The following CROCC variants were observed in gnomAD, a reference collection of about 807,000 sequenced individuals.
CROCC encodes rootletin.
A neutral mutation model predicts 245.2 loss-of-function variants in CROCC; 180 were observed. The ratio of observed to expected loss-of-function variants is 0.73; its 90% CI spans 0.65 to 0.83. CROCC has a LOEUF of 0.83. Ranked by LOEUF, CROCC falls within the 40% of genes least tolerant of loss-of-function variation. The probability of loss-of-function intolerance (pLI) is 0.00; values close to 1 mark genes in which losing one functional copy is unlikely to be tolerated. For missense variants in CROCC, 2,688 were observed against 2,779.4 expected (o/e 0.97, Z 0.74); for synonymous variants, 1,205 against 1,241.6 (o/e 0.97, Z 0.62).
chr1:16,933,379 C>G (rs2075721016), intron 8 of CROCC, among the ~76,000 whole-genome samples: 1 of 152,254 alleles, frequency 6.6e-6, no homozygotes, highest in Non-Finnish European at 1.5e-5. Flanking sequence ...AGGCCCCAGA[C>G]TCGCCTGAAC....
chr1:16,947,133 G>C (rs540868160), intron 17 of CROCC, 142 bp downstream of exon 17: 2 of 833,658 alleles, frequency 2.4e-6, no homozygotes, highest in Admixed American at 2.8e-5. Context: ...CTGCTAGCTG[G>C]GGACCTTGGA....
intron 3 of CROCC, among the ~76,000 whole-genome samples, chr1:16,929,228 C>T (rs1447903522): frequency 2.6e-5 from 4 of 152,266 alleles, no homozygotes; most frequent in Admixed American, 6.5e-5. Context: ...TCGTGTCCTC[C>T]GGGAATGTTT....
chr1:16,919,886 CATTTT>C (rs1168336501), upstream of CROCC, among the ~76,000 whole-genome samples: 1 of 152,222 alleles, frequency 6.6e-6, no homozygotes, highest in African/African-American at 2.4e-5. Flanking sequence ...GGTCTAGTCT[CATTTT>C]ATTTTATTTT....
chr1:16,967,368 C>T (rs2076435938), intron 30 of CROCC, among the ~76,000 whole-genome samples: 1 of 152,196 alleles, frequency 6.6e-6, no homozygotes, highest in Non-Finnish European at 1.5e-5. Context: ...CAGCCTGTCC[C>T]TCTATTACTG....
chr1:16,920,867 C>T (rs1570574051), upstream of CROCC, among the ~76,000 whole-genome samples: 1 of 152,196 alleles, frequency 6.6e-6, no homozygotes, highest in Middle Eastern at 3.4e-3. Flanking sequence ...CCTCAGCCTC[C>T]CAAGTAGCTG....
At chr1:16,953,112 T>C in intron 20 of CROCC, 190 bp from the exon 21 acceptor site, 1 of 598,502 alleles carries the variant, frequency 1.7e-6, no homozygotes, top group South Asian at 2.1e-5. Flanking sequence ...GCCAGCCCAC[T>C]GCTGCTCCTT....
chr1:16,938,540 C>G, intron 11 of CROCC, 57 bp downstream of exon 11: 2 of 1,475,026 alleles, frequency 1.4e-6, no homozygotes, highest in Non-Finnish European at 1.8e-6. Context: ...CAGGCTCCCC[C>G]GCCACGTCTT....
intron 8 of CROCC, among the ~76,000 whole-genome samples, chr1:16,935,545 C>T (rs1428950724): frequency 3.9e-5 from 6 of 152,274 alleles, no homozygotes; most frequent in South Asian, 2.1e-4. Context: ...CTCAGCCTCC[C>T]GAGTAGCTGG....
chr1:16,922,641 G>A (rs370081787), intron 1 of CROCC, 22 bp from the exon 2 acceptor site: 1 of 1,586,980 alleles, frequency 6.3e-7, no homozygotes, highest in Non-Finnish European at 8.6e-7. Context: ...GTCCCCTGAA[G>A]ACCCTCTCGC....
At chr1:16,916,431 C>G (rs530153965) in intron 1 of CROCC, among the ~76,000 whole-genome samples, 2,789 of 152,094 alleles carry the variant, frequency 0.018, 51 homozygotes, top group African/African-American at 0.065. Flanking sequence ...CAGGCAGTGG[C>G]TTATATAATA....
At chr1:16,938,552 C>G (rs1156229352) in intron 11 of CROCC, 69 bp downstream of exon 11, 5 of 1,415,636 alleles carry the variant, frequency 3.5e-6, no homozygotes, top group Non-Finnish European at 4.9e-6. Flanking sequence ...CCACGTCTTT[C>G]GGTGACCTGG....
Position 16,950,698 on chromosome 1 carries a change from C to G in CROCC, c.2837-255C>G, listed in dbSNP as rs1184603571. Among the ~76,000 whole-genome samples the G allele has an allele frequency of 2.6e-5, 4 of 152,216 alleles. No homozygotes were observed. The East Asian group carries it at 5.8e-4, about 22-fold the overall frequency. On this transcript the variant is annotated intron_variant, in intron 19 of 36. Transcript: ENST00000375541. ...TTTGACATCCGTCCCATTTGGGAGG[C>G]CTTCTCATCAGTCATTTTATGCCTT...
chr1:16,943,958 A>C (rs1445958333), intron 13 of CROCC, 142 bp from the exon 14 acceptor site: 4 of 800,114 alleles, frequency 5.0e-6, no homozygotes, highest in Non-Finnish European at 7.8e-6. Flanking sequence ...AGCCATGGAC[A>C]GGGTGGTCAG....
chr1:16,952,821 C>A (rs140067167), intron 20 of CROCC, among the ~76,000 whole-genome samples: 8,472 of 152,288 alleles, frequency 0.056, 310 homozygotes, highest in African/African-American at 0.088. Context: ...GTCGGAACAT[C>A]CCCTAAGCTA....
At position 16,938,964 on chromosome 1, in the gene CROCC, C is replaced by CG; in HGVS notation, c.1432dup (p.Asp478GlyfsTer66). The CG allele has an allele frequency of 6.2e-7, 1 of 1,605,182 alleles. No individual in the cohort carries two copies. Among genetic ancestry groups the CG allele is most frequent in the Non-Finnish European group, 8.5e-7 (1 of 1,177,488 alleles). On this transcript the variant is annotated frameshift_variant, in exon 12 of 37. Transcript: ENST00000375541. LOFTEE classifies it high-confidence loss of function. ...CAGCTGAGCGGCTCTGAGCGCACCG[C>CG]GGATGCTTCCAACGGCAGCCTGCGG...
chr1:16,972,643 C>A lies in CROCC; in HGVS notation c.*197C>A. 1 of 515,870 alleles carries A rather than the reference C, an allele frequency of 1.9e-6. No homozygotes were observed. The highest frequency in any genetic ancestry group is 3.4e-6 in the Non-Finnish European group (1 of 291,880). The allele number at this position is 515,870 out of a possible 1,614,324, so 32.0% of individuals were successfully genotyped here. On this transcript the variant is annotated 3_prime_UTR_variant, in exon 37 of 37. Transcript: ENST00000375541. Reference sequence around the variant, plus strand: ...AGGCTTCCCAGCAACACCTGCAGTCCAGCCCCCCTCTTCTAGGATGAGCCA... The same window carrying A: ...AGGCTTCCCAGCAACACCTGCAGTCAAGCCCCCCTCTTCTAGGATGAGCCA...
chr1:16,922,104 C>A, intron 1 of CROCC, 26 bp downstream of exon 1: 2 of 1,525,630 alleles, frequency 1.3e-6, no homozygotes, highest in Non-Finnish European at 1.8e-6. Context: ...TGTGCCCACC[C>A]TGTCTGGGGC....
At chr1:16,932,487 A>G (rs2075699304) in intron 8 of CROCC, among the ~76,000 whole-genome samples, 1 of 152,170 alleles carries the variant, frequency 6.6e-6, no homozygotes, top group East Asian at 1.9e-4. Context: ...GTGGTCAGTG[A>G]TATGTACGTG....
intron 13 of CROCC, chr1:16,941,049 G>A (rs1479150993): frequency 1.6e-5 from 4 of 255,768 alleles, no homozygotes; most frequent in Admixed American, 1.1e-4. Flanking sequence ...TTGTAGAGAT[G>A]GGGGTCTCAC....
Sources: allele counts gnomAD v4.1 joint callset (sites outside exome capture counted in the v4.1 genomes callset), GRCh38; gene constraint gnomAD v4.1.1; transcripts MANE v1.5; gene names NCBI Gene and HGNC (gene_info 2026-07-23, HGNC 2026-07-21).